The following ST3GAL2 variants were observed in gnomAD, a reference collection of about 807,000 sequenced individuals.
ST3GAL2 encodes ST3 beta-galactoside alpha-2,3-sialyltransferase 2.
A neutral mutation model predicts 37.5 loss-of-function variants in ST3GAL2; 16 were observed. The ratio of observed to expected loss-of-function variants is 0.43; its 90% confidence interval spans 0.29 to 0.65. The LOEUF is 0.65. Ranked by LOEUF, ST3GAL2 falls within the 30% of genes least tolerant of loss-of-function variation. ST3GAL2 has a pLI of 0.17. For synonymous variants in ST3GAL2, 238 were observed against 202.9 expected (o/e 1.17, Z -1.47); for missense variants, 383 against 487.8 (o/e 0.79, Z 2.02).
chr16:70,431,662 T>TTA (rs982248217), intron 1 of ST3GAL2, among the ~76,000 whole-genome samples: 12 of 139,376 alleles, frequency 8.6e-5, no homozygotes, highest in African/African-American at 3.1e-4. Context: ...CCCATCTCTT[T>TTA]AAAAAAAAAA....
rs143187183 is a variant in ST3GAL2, at chr16:70,382,886, G to A, written c.798C>T (p.His266=). The A allele has an allele frequency of 3.0e-5, 48 of 1,613,918 alleles. No homozygotes were observed. Among genetic ancestry groups the A allele is most frequent in the South Asian group, 5.5e-5 (5 of 91,070 alleles). Residue 266 remains histidine (H), a synonymous_variant, in exon 6 of 7, where the codon CAC becomes CAT. Coordinates refer to ENST00000342907, the MANE Select transcript of ST3GAL2 (RefSeq NM_006927.4). ...GCCCGTGATGCTCTGTCCACCTGTC[G>A]TGGATATACTTGAAGAAGGCTGGGT... ...IYNPAFFKYI[H]DRWTEHHGRY... is the part of the protein sequence containing the mutation.
chr16:70,381,755 G>A lies in ST3GAL2; in HGVS notation c.987C>T (p.Asp329=). The change falls in exon 7 of 7, where the codon GAC becomes GAT. Residue 329 remains aspartate, a synonymous_variant. Coordinates refer to ENST00000342907, the MANE Select transcript of ST3GAL2 (RefSeq NM_006927.4). ...GCATGTCGATGATGTGGGCCTCGAAGTCCGCGTCGTGCACGCCAGTCTTCC... is the reference window on the plus strand; with the variant it reads ...GCATGTCGATGATGTGGGCCTCGAAATCCGCGTCGTGCACGCCAGTCTTCC... ...EFRKTGVHDA[D]FEAHIIDMLA... 1.4e-5 allele frequency: 23 copies of A among 1,614,104 alleles called. No individual in the cohort carries two copies. The highest frequency in any genetic ancestry group is 1.9e-5 in the Non-Finnish European group (22 of 1,179,958).
At chr16:70,413,288 T>G (rs1597570059) in intron 1 of ST3GAL2, among the ~76,000 whole-genome samples, 1 of 148,506 alleles carries the variant, frequency 6.7e-6, no homozygotes. Flanking sequence ...TGGTGGCAAG[T>G]GCCTACAGCC....
Position 70,398,845 on chromosome 16 carries a change from T to C in ST3GAL2, c.-315A>G, listed in dbSNP as rs937441206. On this transcript the variant is annotated 5_prime_UTR_variant, in exon 2 of 7. It removes an upstream start codon present in the reference 5' UTR. Transcript: ENST00000342907. ...CCCTGGTGAGGGGGAGGTCAGTCCATTGCAGCCCTCTAGTCCCTTGGGATT... is the reference window on the plus strand; with the variant it reads ...CCCTGGTGAGGGGGAGGTCAGTCCACTGCAGCCCTCTAGTCCCTTGGGATT... 8.6e-5 allele frequency: 47 copies of C among 546,032 alleles called. No homozygotes were observed. Among genetic ancestry groups the C allele is most frequent in the Non-Finnish European group, 1.3e-4 (40 of 308,632 alleles). 33.8% of individuals were successfully genotyped at this position (546,032 alleles called of 1,614,324 possible). A position where few individuals can be genotyped will look rare whatever the true frequency, so the allele number is the denominator to read the frequency against.
intron 1 of ST3GAL2, among the ~76,000 whole-genome samples, chr16:70,437,663 G>T (rs1479963418): frequency 6.6e-6 from 1 of 152,176 alleles, no homozygotes; most frequent in Non-Finnish European, 1.5e-5. Context: ...TCCACAGAGA[G>T]ATCAGGGCAG....
chr16:70,428,533 C>G (rs982981695), intron 1 of ST3GAL2, among the ~76,000 whole-genome samples: 1 of 152,210 alleles, frequency 6.6e-6, no homozygotes, highest in Non-Finnish European at 1.5e-5. Context: ...TGCCAGAAAG[C>G]CTGCCCCTTC....
At chr16:70,421,300 A>G (rs540910286) in intron 1 of ST3GAL2, among the ~76,000 whole-genome samples, 51 of 152,228 alleles carry the variant, frequency 3.4e-4, no homozygotes, top group Non-Finnish European at 6.2e-4. Flanking sequence ...TGCTGTGAGT[A>G]GGCCCAAAGT....
intron 1 of ST3GAL2, among the ~76,000 whole-genome samples, chr16:70,421,140 G>C (rs2047711759): frequency 6.6e-6 from 1 of 152,232 alleles, no homozygotes. Flanking sequence ...GTGCCTGAGA[G>C]CCCAGCACAC....
In ST3GAL2 at chr16:70,381,514, C is replaced by A. The variant is rs2047404262; in HGVS notation, c.*175G>T. On this transcript the variant is annotated 3_prime_UTR_variant, in exon 7 of 7. Coordinates refer to ENST00000342907, the MANE Select transcript of ST3GAL2 (RefSeq NM_006927.4). Reference sequence around the variant, plus strand: ...GGCTGGGAGAAACAGAAGCTCCGCCCGACCGCAGCGCAGATTGGTGCCAGG... The same window carrying A: ...GGCTGGGAGAAACAGAAGCTCCGCCAGACCGCAGCGCAGATTGGTGCCAGG... 5.5e-6 allele frequency: 4 copies of A among 726,110 alleles called. No homozygotes were observed. The highest frequency in any genetic ancestry group is 8.8e-6 in the Non-Finnish European group (4 of 455,780). The allele number at this position is 726,110 out of a possible 1,614,324, so 45.0% of individuals were successfully genotyped here. A position where few individuals can be genotyped will look rare whatever the true frequency, so the allele number is the denominator to read the frequency against.
chr16:70,425,094 C>T (rs1175623373), intron 1 of ST3GAL2, among the ~76,000 whole-genome samples: 3 of 152,032 alleles, frequency 2.0e-5, no homozygotes, highest in Non-Finnish European at 1.5e-5. Flanking sequence ...CGCCTGTAGT[C>T]CCCACTGCTT....
chr16:70,431,985 A>ATATATTTTTTTTT (rs1454729972), intron 1 of ST3GAL2, among the ~76,000 whole-genome samples: 34 of 139,054 alleles, frequency 2.4e-4, no homozygotes, highest in African/African-American at 8.6e-4. Context: ...ATATATATAT[A>ATATATTTTTTTTT]TTTTTTTTTA....
Position 70,429,588 on chromosome 16 carries a change from C to CAAA in ST3GAL2, c.-1004+9358_-1004+9360dup, listed in dbSNP as rs1173306093. Among the ~76,000 whole-genome samples, 60 of 36,032 alleles carry CAAA rather than the reference C, an allele frequency of 1.7e-3. 1 individual carries two copies. The highest frequency in any genetic ancestry group is 5.0e-3 in the African/African-American group (52 of 10,386). 23.6% of individuals were successfully genotyped at this position (36,032 alleles called of 152,430 possible). On this transcript the variant is annotated intron_variant, in intron 1 of 6. Transcript: ENST00000342907. ...TGGGCAACAGAGCAAGACTCTGTCT[C>CAAA]AAAAAAAAAAAAAAAAAAAAGAGTG...
At chr16:70,408,771 C>T (rs1281064384) in intron 1 of ST3GAL2, among the ~76,000 whole-genome samples, 5 of 151,700 alleles carry the variant, frequency 3.3e-5, no homozygotes, top group African/African-American at 9.7e-5. Context: ...CTTCTTCAAA[C>T]CAAGAGCATA....
In ST3GAL2 at chr16:70,376,474, A is replaced by G. The variant is rs544983791; in HGVS notation, c.*5215T>C. The G allele has an allele frequency of 5.3e-5, 8 of 152,184 alleles. No homozygotes were observed. Among genetic ancestry groups the G allele is most frequent in the Non-Finnish European group, 1.0e-4 (7 of 68,012 alleles). The allele number at this position is 152,184 out of a possible 1,614,324, so 9.4% of individuals were successfully genotyped here. A position where few individuals can be genotyped will look rare whatever the true frequency, so the allele number is the denominator to read the frequency against. Reference sequence around the variant, plus strand: ...CTGAGGACCAGGCTGGCCCAGATACATACTGCTCCTCAAGCCTCACAGAGG... The same window carrying G: ...CTGAGGACCAGGCTGGCCCAGATACGTACTGCTCCTCAAGCCTCACAGAGG... On this transcript the variant is annotated 3_prime_UTR_variant, in exon 7 of 7. Coordinates refer to ENST00000342907, the MANE Select transcript of ST3GAL2 (RefSeq NM_006927.4).
intron 1 of ST3GAL2, among the ~76,000 whole-genome samples, chr16:70,431,985 A>ATATATATATATATTTTT (rs1454729972): frequency 4.3e-5 from 6 of 139,056 alleles, no homozygotes; most frequent in African/African-American, 1.6e-4. Flanking sequence ...ATATATATAT[A>ATATATATATATATTTTT]TTTTTTTTTA....
At chr16:70,391,041 T>C (rs895174721) in intron 3 of ST3GAL2, among the ~76,000 whole-genome samples, 1 of 152,192 alleles carries the variant, frequency 6.6e-6, no homozygotes, top group African/African-American at 2.4e-5. Flanking sequence ...ATGCCAGTTC[T>C]GTAAAACCAG....
chr16:70,385,374 G>C (rs1017196870), intron 4 of ST3GAL2, among the ~76,000 whole-genome samples: 1 of 152,126 alleles, frequency 6.6e-6, no homozygotes, highest in Non-Finnish European at 1.5e-5. Flanking sequence ...GGTTACCTGG[G>C]GTTGAGGGGA....
intron 1 of ST3GAL2, among the ~76,000 whole-genome samples, chr16:70,411,824 G>C (rs569326026): frequency 6.6e-6 from 1 of 151,898 alleles, no homozygotes; most frequent in African/African-American, 2.4e-5. Flanking sequence ...GAGAAACCCC[G>C]TCTCTACTGA....
At chr16:70,382,235 C>A (rs1046266831) in intron 6 of ST3GAL2, among the ~76,000 whole-genome samples, 22 of 151,890 alleles carry the variant, frequency 1.4e-4, no homozygotes, top group African/African-American at 4.8e-4. Context: ...TGGGGGCAGT[C>A]GTCCAGCTGA....
Sources: allele counts gnomAD v4.1 joint callset (sites outside exome capture counted in the v4.1 genomes callset), GRCh38; gene constraint gnomAD v4.1.1; transcripts MANE v1.5; gene names NCBI Gene and HGNC (gene_info 2026-07-23, HGNC 2026-07-21).